CD36: variants seen among roughly 807,000 people sequenced by gnomAD.
CD36 encodes platelet glycoprotein 4.
In CD36, 119 loss-of-function variants were observed where a neutral mutation model predicts 55.2. That is an observed-to-expected ratio of 2.15 (90% CI 1.86 to 2.51). The LOEUF (loss-of-function observed/expected upper bound fraction) is 2.51. CD36 is among the 30% of genes most tolerant of loss of function. The pLI is 0.00. For missense variants in CD36, 819 were observed against 555.5 expected (o/e 1.47, Z -4.77); for synonymous variants, 186 against 193.6 (o/e 0.96, Z 0.33).
chr7:80,642,162 T>C (rs1794862410), intron 1 of CD36, among the ~76,000 whole-genome samples: 1 of 152,102 alleles, frequency 6.6e-6, no homozygotes, highest in Non-Finnish European at 1.5e-5. Context: ...CTCAATTAGT[T>C]TTCTGTATCT....
intron 3 of CD36, chr7:80,647,265 T>TGC (rs1554337281): frequency 4.2e-6 from 1 of 239,770 alleles, no homozygotes. Flanking sequence ...AAACTGTGTG[T>TGC]GTGTGTGTGT....
chr7:80,656,348 A>G (rs985577204), intron 3 of CD36, among the ~76,000 whole-genome samples, 192 bp from the exon 4 acceptor site: 6 of 152,180 alleles, frequency 3.9e-5, no homozygotes, highest in African/African-American at 9.6e-5. Flanking sequence ...AAAAGGCTAA[A>G]AAGACTGCTG....
exon 1 of CD36, chr7:80,602,217 A>C (rs1310589290): frequency 6.6e-6 from 1 of 152,122 alleles, no homozygotes; most frequent in African/African-American, 2.4e-5. Flanking sequence ...AGATGTCAGG[A>C]TAACCTTAAG....
intron 11 of CD36, 141 bp downstream of exon 11, chr7:80,672,181 G>GAAGAAA (rs1382902600): frequency 1.4e-6 from 1 of 697,928 alleles, no homozygotes; most frequent in Non-Finnish European, 2.4e-6. Flanking sequence ...TGAAACTTAG[G>GAAGAAA]TCGATTTCTT....
intron 3 of CD36, among the ~76,000 whole-genome samples, chr7:80,654,687 C>A (rs1795901561): frequency 6.6e-6 from 1 of 152,064 alleles, no homozygotes. Flanking sequence ...AATAAAGATT[C>A]CATCACTCTA....
At chr7:80,667,073 T>C (rs1226698852) in intron 8 of CD36, among the ~76,000 whole-genome samples, 2 of 152,148 alleles carry the variant, frequency 1.3e-5, no homozygotes, top group African/African-American at 2.4e-5. Context: ...ATCAGGCTTA[T>C]TCTCCTTCAG....
At chr7:80,618,631 T>A (rs369435300) in intron 1 of CD36, among the ~76,000 whole-genome samples, 8 of 152,114 alleles carry the variant, frequency 5.3e-5, no homozygotes, top group South Asian at 2.1e-4. Context: ...TAGAGAAAGT[T>A]TGAGTGGTCT....
intron 8 of CD36, among the ~76,000 whole-genome samples, chr7:80,669,554 G>A (rs537757872): frequency 5.3e-4 from 80 of 152,100 alleles, no homozygotes; most frequent in African/African-American, 1.8e-3. Flanking sequence ...CAGGATAGCT[G>A]GGATTACGAG....
chr7:80,612,148 A>C (rs1792908751), intron 1 of CD36, among the ~76,000 whole-genome samples: 1 of 152,174 alleles, frequency 6.6e-6, no homozygotes, highest in Admixed American at 6.5e-5. Flanking sequence ...TTAAACGTGC[A>C]CACCTGAAAT....
At chr7:80,654,438 G>A (rs904510909) in intron 3 of CD36, among the ~76,000 whole-genome samples, 1 of 152,140 alleles carries the variant, frequency 6.6e-6, no homozygotes, top group African/African-American at 2.4e-5. Flanking sequence ...CTAATAGTGT[G>A]AGGAGAATAA....
At chr7:80,671,419 G>A (rs565006518) in intron 10 of CD36, among the ~76,000 whole-genome samples, 1 of 152,208 alleles carries the variant, frequency 6.6e-6, no homozygotes, top group Admixed American at 6.5e-5. Context: ...GATCCCACTT[G>A]TGTTTCAGTA....
rs1007966778 is a variant in CD36, at chr7:80,661,063, A to T, written c.282A>T (p.Arg94Ser). 1 of 1,611,376 alleles carries T rather than the reference A, an allele frequency of 6.2e-7. No homozygotes were observed. The highest frequency in any genetic ancestry group is 1.7e-5 in the Admixed American group (1 of 60,004). ...ATTTTGTTTACTGCTATTTCTTTAG[A>T]GTTCGTTTTCTAGCCAAGGAAAATG... ...QVKQRGPYTYRVRFLAKENVT... is the reference protein window; with the variant it reads ...QVKQRGPYTYSVRFLAKENVT... Residue 94 changes from arginine to serine, a missense_variant and splice_region_variant, in exon 5 of 15, where the codon AGA (arginine) becomes AGT (serine). Coordinates refer to ENST00000447544, the MANE Select transcript of CD36 (RefSeq NM_001001548.3).
Position 80,671,080 on chromosome 7 carries a change from GACA to G in CD36, c.925_927del (p.Asn309del), listed in dbSNP as rs769692950. On this transcript the variant is annotated inframe_deletion, in exon 10 of 15. Coordinates refer to ENST00000447544, the MANE Select transcript of CD36 (RefSeq NM_001001548.3). Reference sequence around the variant, plus strand: ...CTTTGCCTCTCCAGTTGAAAACCCAGACAACTATTGTTTCTGCACAGAAAAAAT... The same window carrying G: ...CTTTGCCTCTCCAGTTGAAAACCCAGACTATTGTTTCTGCACAGAAAAAAT... The G allele has an allele frequency of 8.7e-6, 14 of 1,612,704 alleles. No homozygotes were observed. The African/African-American group carries it at 1.9e-4, about 22-fold the overall frequency.
chr7:80,607,402 T>A (rs183690437), intron 1 of CD36, among the ~76,000 whole-genome samples: 1 of 152,310 alleles, frequency 6.6e-6, no homozygotes, highest in Admixed American at 6.5e-5. Context: ...AGTTTACATT[T>A]TTTTCATAGC....
intron 3 of CD36, 150 bp from the exon 4 acceptor site, chr7:80,656,390 C>T (rs1198241839): frequency 3.1e-6 from 2 of 648,888 alleles, no homozygotes; most frequent in Non-Finnish European, 5.5e-6. Context: ...ATTTCTGCTG[C>T]AAGTGTATGG....
At chr7:80,603,346 T>C (rs1259522343) in intron 1 of CD36, among the ~76,000 whole-genome samples, 1 of 152,130 alleles carries the variant, frequency 6.6e-6, no homozygotes, top group Non-Finnish European at 1.5e-5. Flanking sequence ...CACTTTCTTT[T>C]ATTATTTGGG....
In CD36 at chr7:80,667,999, G is replaced by A. The variant is rs3211926; in HGVS notation, c.748+1510G>A. ...CTTGACCTTGTGATCCGCCCCCCTC[G>A]GCCTCCCAAAGTGCTGGGATTACAG... On this transcript the variant is annotated intron_variant, in intron 8 of 14. Coordinates refer to ENST00000447544, the MANE Select transcript of CD36 (RefSeq NM_001001548.3). 7.4e-3 allele frequency among the ~76,000 whole-genome samples: 1,130 copies of A among 151,866 alleles called. 15 individuals are homozygous for A. Among genetic ancestry groups the A allele is most frequent in the African/African-American group, 0.025 (1,047 of 41,414 alleles).
At chr7:80,648,815 T>G (rs1349049613) in intron 3 of CD36, among the ~76,000 whole-genome samples, 1 of 152,038 alleles carries the variant, frequency 6.6e-6, no homozygotes, top group Non-Finnish European at 1.5e-5. Flanking sequence ...ATTTTGAAAG[T>G]CTCAAATAAC....
intron 1 of CD36, among the ~76,000 whole-genome samples, chr7:80,631,668 T>C (rs917610482): frequency 6.6e-5 from 10 of 151,908 alleles, no homozygotes; most frequent in African/African-American, 2.4e-4. Context: ...ATTTGTCTTA[T>C]GTATTATAGA....
Sources: allele counts gnomAD v4.1 joint callset (sites outside exome capture counted in the v4.1 genomes callset), GRCh38; gene constraint gnomAD v4.1.1; transcripts MANE v1.5; gene names NCBI Gene and HGNC (gene_info 2026-07-23, HGNC 2026-07-21).